ACBD6: variants seen among roughly 807,000 people sequenced by gnomAD.
ACBD6 encodes acyl-CoA binding domain containing 6.
A neutral mutation model predicts 37.2 loss-of-function variants in ACBD6; 28 were observed. The observed-to-expected ratio is 0.75, with a 90% CI of 0.56 to 1.03. The LOEUF is 1.03. Ranked by LOEUF, ACBD6 falls within the 50% of genes least tolerant of loss-of-function variation. ACBD6 has a pLI of 0.00. For missense variants in ACBD6, 340 were observed against 337.4 expected (o/e 1.01, Z -0.06); for synonymous variants, 113 against 126.8 (o/e 0.89, Z 0.73).
At chr1:180,480,285 C>T (rs1407973436) in intron 3 of ACBD6, among the ~76,000 whole-genome samples, 1 of 151,858 alleles carries the variant, frequency 6.6e-6, no homozygotes, top group African/African-American at 2.4e-5. Flanking sequence ...ATTGCAACAG[C>T]CTAGGCAAGA....
intron 4 of ACBD6, among the ~76,000 whole-genome samples, chr1:180,420,383 C>T (rs1048707970): frequency 1.3e-5 from 2 of 152,210 alleles, no homozygotes; most frequent in African/African-American, 4.8e-5. Flanking sequence ...TTTTCACCGC[C>T]GTTTCTATAA....
intron 6 of ACBD6, among the ~76,000 whole-genome samples, chr1:180,350,828 G>T (rs1283443718): frequency 6.6e-6 from 1 of 152,006 alleles, no homozygotes; most frequent in African/African-American, 2.4e-5. Flanking sequence ...TCTCATTATG[G>T]GATTTGGTTA....
At chr1:180,365,291 A>G (rs1350314458) in intron 6 of ACBD6, among the ~76,000 whole-genome samples, 1 of 152,190 alleles carries the variant, frequency 6.6e-6, no homozygotes, top group Non-Finnish European at 1.5e-5. Flanking sequence ...CACGATTGCC[A>G]TATTTGCAGA....
intron 7 of ACBD6, among the ~76,000 whole-genome samples, chr1:180,301,501 G>T (rs1362135009): frequency 6.6e-6 from 1 of 152,106 alleles, no homozygotes; most frequent in African/African-American, 2.4e-5. Flanking sequence ...TGTATTTATT[G>T]ATGCTGTATG....
intron 3 of ACBD6, among the ~76,000 whole-genome samples, chr1:180,432,509 ACAT>A (rs148218278): frequency 0.038 from 5,709 of 152,236 alleles, 298 homozygotes; most frequent in African/African-American, 0.11. Context: ...AGATGTTTAA[ACAT>A]CATGTCATTA....
rs551135521 is a variant in ACBD6, at chr1:180,390,440, G to T, written c.663+7076C>A. ...ATAGTTTGAAGTCAGGTAGTGTGAT[G>T]CCTCCAGCTTTGTTCTTTTGGCTTA... On this transcript the variant is annotated intron_variant, in intron 6 of 7. Coordinates refer to ENST00000367595, the MANE Select transcript of ACBD6 (RefSeq NM_032360.4). 4.4e-3 allele frequency among the ~76,000 whole-genome samples: 666 copies of T among 151,922 alleles called. 44 individuals are homozygous for T. Among genetic ancestry groups the T allele is most frequent in the Admixed American group, 0.038 (586 of 15,250 alleles).
chr1:180,389,614 A>G (rs910908530), intron 6 of ACBD6, among the ~76,000 whole-genome samples: 1 of 152,250 alleles, frequency 6.6e-6, no homozygotes, highest in African/African-American at 2.4e-5. Flanking sequence ...TTAAAGTCCC[A>G]CCAACAGTGT....
chr1:180,495,312 A>C (rs1254244961), intron 2 of ACBD6, 149 bp downstream of exon 2: 1 of 538,712 alleles, frequency 1.9e-6, no homozygotes, highest in Non-Finnish European at 3.2e-6. Context: ...GATTTCTTTA[A>C]TCTCTCCCAA....
At chr1:180,274,179 CCA>C (rs775729994) in intron 10 of ACBD6, 3 of 1,614,174 alleles carry the variant, frequency 1.9e-6, no homozygotes, top group Admixed American at 1.7e-5. Context: ...GTTCTTTTGT[CCA>C]CAGAGGATCA....
At chr1:180,321,477 T>C (rs1259122793) in intron 6 of ACBD6, among the ~76,000 whole-genome samples, 1 of 152,216 alleles carries the variant, frequency 6.6e-6, no homozygotes, top group Non-Finnish European at 1.5e-5. Context: ...CATCAATGTT[T>C]TGTAGTTTTC....
chr1:180,292,907 TGAG>T (rs1649772360), intron 7 of ACBD6, among the ~76,000 whole-genome samples: 1 of 149,650 alleles, frequency 6.7e-6, no homozygotes, highest in African/African-American at 2.5e-5. Flanking sequence ...TATTTTGTTG[TGAG>T]TTTTTGTTGT....
intron 3 of ACBD6, among the ~76,000 whole-genome samples, chr1:180,464,975 C>T (rs1167804008): frequency 6.6e-6 from 1 of 152,096 alleles, no homozygotes; most frequent in African/African-American, 2.4e-5. Context: ...AACTGGCTAG[C>T]CATATATAGA....
intron 6 of ACBD6, among the ~76,000 whole-genome samples, chr1:180,358,667 G>A (rs2101900761): frequency 6.6e-6 from 1 of 152,246 alleles, no homozygotes. Context: ...GGTTAAAGAT[G>A]AGGGCTTGAA....
chr1:180,269,880 A>C (rs2149265079), exon 14 of ACBD6: 1 of 146,734 alleles, frequency 6.8e-6, no homozygotes, highest in South Asian at 2.2e-4. Flanking sequence ...GGGCTCCGGA[A>C]TCCCTACCCT....
At position 180,271,917 on chromosome 1, in the gene ACBD6, G is replaced by A. The variant is rs777917804; in HGVS notation, c.*1308C>T. On this transcript the variant is annotated 3_prime_UTR_variant, in exon 14 of 14. Coordinates refer to the ACBD6 transcript ENST00000642319. ...CACCGCTGGGGGCAGTTCTATAAGA[G>A]CGTCAAGAGGAGCCGGGGCAGCAGC... 12 of 1,613,474 alleles carry A rather than the reference G, an allele frequency of 7.4e-6. No homozygotes were observed. Among genetic ancestry groups the A allele is most frequent in the African/African-American group, 1.3e-5 (1 of 74,722 alleles).
intron 3 of ACBD6, among the ~76,000 whole-genome samples, chr1:180,473,783 A>T (rs1034598270): frequency 6.6e-6 from 1 of 152,196 alleles, no homozygotes; most frequent in Non-Finnish European, 1.5e-5. Context: ...ATGGTACATA[A>T]TAACAGTAGC....
intron 6 of ACBD6, among the ~76,000 whole-genome samples, chr1:180,366,224 G>C (rs910386375): frequency 6.6e-6 from 1 of 152,218 alleles, no homozygotes; most frequent in South Asian, 2.1e-4. Flanking sequence ...AATTCAATGA[G>C]GAAGAATTGC....
chr1:180,274,787 A>T, exon 10 of ACBD6: 1 of 592,108 alleles, frequency 1.7e-6, no homozygotes, highest in East Asian at 2.9e-5. Flanking sequence ...GACTCATCTC[A>T]GAACACAGCA....
downstream of ACBD6, chr1:180,287,285 C>T (rs1649534002): frequency 6.6e-6 from 1 of 151,836 alleles, no homozygotes; most frequent in Non-Finnish European, 1.5e-5. Context: ...CCTGTAGTCC[C>T]AGCTATCTCA....
Sources: gnomAD v4.1 joint callset for allele counts (sites outside exome capture counted in the v4.1 genomes callset) on GRCh38, gnomAD v4.1.1 for gene constraint, MANE v1.5 for transcripts, NCBI Gene and HGNC (gene_info 2026-07-23, HGNC 2026-07-21) for gene names.